The following SMCHD1 variants were observed in gnomAD, a reference collection of about 807,000 sequenced individuals.
The protein encoded by SMCHD1 is structural maintenance of chromosomes flexible hinge domain-containing protein 1.
Under a neutral mutation model 254.7 loss-of-function variants are expected in SMCHD1, and 78 were observed. The ratio of observed to expected loss-of-function variants is 0.31; its 90% CI spans 0.26 to 0.37. The LOEUF (loss-of-function observed/expected upper bound fraction) is 0.37. Among genes scored for constraint, SMCHD1 ranks in the 10% least tolerant of loss-of-function variants. The pLI, the probability that SMCHD1 is intolerant of heterozygous loss-of-function variation, is 1.00. For missense variants in SMCHD1, 1,840 were observed against 2,408.1 expected (o/e 0.76, Z 4.94); for synonymous variants, 766 against 794.9 (o/e 0.96, Z 0.61).
At chr18:2,660,697 C>T (rs117015256) in intron 1 of SMCHD1, among the ~76,000 whole-genome samples, 2,721 of 144,148 alleles carry the variant, frequency 0.019, 40 homozygotes, top group Middle Eastern at 0.1. Context: ...TGGTCTGGAA[C>T]TCCTGACCTC....
At chr18:2,656,335 C>T (rs2073055883) in intron 1 of SMCHD1, 74 bp downstream of exon 1, 1 of 1,291,956 alleles carries the variant, frequency 7.7e-7, no homozygotes. Flanking sequence ...TCAACTTGCT[C>T]ACTGAGGGCA....
rs910085299 is a variant in SMCHD1, at chr18:2,776,840, C to T, written c.5366+916C>T. Among the ~76,000 whole-genome samples the T allele has an allele frequency of 2.6e-5, 4 of 152,244 alleles. No homozygotes were observed. In the East Asian group the frequency reaches 7.7e-4, roughly 29 times the overall value. On this transcript the variant is annotated intron_variant, in intron 42 of 47. Coordinates refer to ENST00000320876, the MANE Select transcript of SMCHD1 (RefSeq NM_015295.3). Reference sequence around the variant, plus strand: ...TGCCACCCTGCAACTAGTCAGTACTCAAAGGAACAGCATGGGAAATCCTGA... The same window carrying T: ...TGCCACCCTGCAACTAGTCAGTACTTAAAGGAACAGCATGGGAAATCCTGA...
intron 12 of SMCHD1, chr18:2,702,166 C>T (rs1205511418): frequency 6.6e-6 from 1 of 151,662 alleles, no homozygotes; most frequent in African/African-American, 2.4e-5. Context: ...AATTTTGAAA[C>T]ATTCAAGCTG....
chr18:2,772,602 G>A (rs572068890), intron 41 of SMCHD1, among the ~76,000 whole-genome samples: 1 of 152,182 alleles, frequency 6.6e-6, no homozygotes, highest in African/African-American at 2.4e-5. Context: ...TTAGTTCAAG[G>A]CTTGTTGTTT....
At chr18:2,791,993 C>G (rs2076175110) in intron 45 of SMCHD1, among the ~76,000 whole-genome samples, 1 of 152,156 alleles carries the variant, frequency 6.6e-6, no homozygotes, top group Admixed American at 6.5e-5. Context: ...TAAATCATTT[C>G]CAAAATATTT....
At chr18:2,752,390 A>G (rs2143631372) in intron 33 of SMCHD1, 98 bp from the exon 34 acceptor site, 1 of 740,894 alleles carries the variant, frequency 1.3e-6, no homozygotes. Flanking sequence ...ATCCAGATAC[A>G]CATTCAGTTT....
chr18:2,702,708 A>G (rs1258426022), intron 12 of SMCHD1, among the ~76,000 whole-genome samples: 2 of 152,196 alleles, frequency 1.3e-5, no homozygotes, highest in Non-Finnish European at 2.9e-5. Flanking sequence ...TTCCTTTTTC[A>G]TTCATATAAC....
chr18:2,791,058 A>G (rs2143840224), intron 45 of SMCHD1, among the ~76,000 whole-genome samples: 1 of 152,366 alleles, frequency 6.6e-6, no homozygotes, highest in East Asian at 1.9e-4. Context: ...GAAAGTTATA[A>G]AATTAGCATA....
chr18:2,729,906 G>T (rs988496424), intron 24 of SMCHD1, among the ~76,000 whole-genome samples: 2 of 151,848 alleles, frequency 1.3e-5, no homozygotes, highest in African/African-American at 4.8e-5. Flanking sequence ...GAAAAAGAGG[G>T]TCTTGCTGTG....
chr18:2,701,065 A>G, intron 12 of SMCHD1, 147 bp downstream of exon 12: 1 of 530,872 alleles, frequency 1.9e-6, no homozygotes, highest in East Asian at 3.1e-5. Flanking sequence ...AAGTGTTCAC[A>G]TTACTAAAAA....
rs2076411446 is a variant in SMCHD1 at position 2,804,304 on chromosome 18, C to CTTTT, written c.*1756_*1759dup. 6.6e-6 allele frequency: 1 copy of CTTTT among 152,188 alleles called. No individual in the cohort carries two copies. Among genetic ancestry groups the CTTTT allele is most frequent in the South Asian group, 2.1e-4 (1 of 4,824 alleles). The allele number at this position is 152,188 out of a possible 1,614,324, so 9.4% of individuals were successfully genotyped here. On this transcript the variant is annotated 3_prime_UTR_variant, in exon 48 of 48. Coordinates refer to ENST00000320876, the MANE Select transcript of SMCHD1 (RefSeq NM_015295.3). ...ATTAGAAGTGTGTTTAAAAACATGT[C>CTTTT]TTTTTTTCCCTTGAGCGACAGTGGC...
chr18:2,664,290 T>G (rs1440709141), intron 1 of SMCHD1, among the ~76,000 whole-genome samples: 1 of 152,202 alleles, frequency 6.6e-6, no homozygotes, highest in Non-Finnish European at 1.5e-5. Context: ...GTTCTCTGAA[T>G]GTTTAAAAGT....
intron 7 of SMCHD1, among the ~76,000 whole-genome samples, chr18:2,690,351 T>A (rs2143072969): frequency 6.6e-6 from 1 of 152,352 alleles, no homozygotes; most frequent in Non-Finnish European, 1.5e-5. Context: ...ATTTGGCTTA[T>A]TTAAAGGATT....
intron 44 of SMCHD1, among the ~76,000 whole-genome samples, chr18:2,782,794 TTGAC>T (rs2076179010): frequency 6.8e-6 from 1 of 146,138 alleles, no homozygotes; most frequent in African/African-American, 2.5e-5. Flanking sequence ...CTTAGAAACA[TTGAC>T]TGCCTGAATC....
At chr18:2,729,453 T>C in intron 24 of SMCHD1, 44 bp downstream of exon 24, 1 of 1,370,610 alleles carries the variant, frequency 7.3e-7, no homozygotes, top group South Asian at 1.7e-5. Flanking sequence ...TGAGTCTTCA[T>C]ACAAATAGTC....
intron 37 of SMCHD1, among the ~76,000 whole-genome samples, chr18:2,764,552 C>T (rs12964974): frequency 0.3 from 45,257 of 151,936 alleles, 6,942 homozygotes; most frequent in East Asian, 0.5. Flanking sequence ...TAGTCAGCCC[C>T]CCATATCCGT....
intron 17 of SMCHD1, among the ~76,000 whole-genome samples, chr18:2,716,878 C>G (rs552421661): frequency 6.6e-6 from 1 of 152,230 alleles, no homozygotes. Flanking sequence ...GGCTGCAAAA[C>G]GTCCTGCCAG....
chr18:2,673,427 G>A, intron 4 of SMCHD1, 64 bp downstream of exon 4: 2 of 1,113,228 alleles, frequency 1.8e-6, no homozygotes, highest in Non-Finnish European at 1.2e-6. Flanking sequence ...AAAGTTTATT[G>A]GAGAAAATGA....
intron 28 of SMCHD1, among the ~76,000 whole-genome samples, chr18:2,742,308 G>A (rs2143558471): frequency 6.6e-6 from 1 of 152,112 alleles, no homozygotes; most frequent in South Asian, 2.1e-4. Flanking sequence ...TCGGAATTGT[G>A]TATTTAATTC....
Sources: allele counts gnomAD v4.1 joint callset (sites outside exome capture counted in the v4.1 genomes callset), GRCh38; gene constraint gnomAD v4.1.1; transcripts MANE v1.5; gene names NCBI Gene and HGNC (gene_info 2026-07-23, HGNC 2026-07-21).